FSTL4: variants seen among roughly 807,000 people sequenced by gnomAD.
The protein encoded by FSTL4 is follistatin like 4, also known as follistatin-related protein 4.
FSTL4 carries 28 observed loss-of-function variants against 78.2 expected under a neutral mutation model. The ratio of observed to expected loss-of-function variants is 0.36; its 90% CI spans 0.27 to 0.49. The LOEUF is 0.49. FSTL4 is among the 20% of genes least tolerant of loss of function. The pLI, the probability that FSTL4 is intolerant of heterozygous loss-of-function variation, is 0.98. For synonymous variants in FSTL4, 422 were observed against 440.5 expected (o/e 0.96, Z 0.53); for missense variants, 922 against 1,084.9 (o/e 0.85, Z 2.11).
the FSTL4 span, among the ~76,000 whole-genome samples, chr5:133,829,114 G>T: frequency 2.0e-5 from 3 of 152,198 alleles, no homozygotes. Flanking sequence ...AAACAGCTTG[G>T]CATGGTGCCT....
In FSTL4 at chr5:133,245,773, C is replaced by G. The variant is rs540003292; in HGVS notation, c.894+3637G>C. Among the ~76,000 whole-genome samples the G allele has an allele frequency of 9.2e-5, 14 of 152,314 alleles. No individual in the cohort carries two copies. In the South Asian group the frequency reaches 2.9e-3, roughly 32 times the overall value. ...AAGTGCTTCTGAGAGCAACATTACT[C>G]GCTGCAAAATCTGACTGGCTCCTTC... On this transcript the variant is annotated intron_variant, in intron 7 of 15. Coordinates refer to ENST00000265342, the MANE Select transcript of FSTL4 (RefSeq NM_015082.2).
In FSTL4 at chr5:133,420,290, C is replaced by T. The variant is rs533695336; in HGVS notation, c.161-19304G>A. 6.6e-5 allele frequency among the ~76,000 whole-genome samples: 10 copies of T among 152,248 alleles called. No individual in the cohort carries two copies. The South Asian group carries it at 2.1e-3, about 32-fold the overall frequency. ...GAAAGATCATTTTCTAGGTTGATAG[C>T]AATGTTTTATATCTTGATTGAGTGA... On this transcript the variant is annotated intron_variant, in intron 3 of 15. Transcript: ENST00000265342.
At position 133,353,511 on chromosome 5, in the gene FSTL4, G is replaced by A. The variant is rs543348999; in HGVS notation, c.410-36859C>T. Among the ~76,000 whole-genome samples the A allele has an allele frequency of 3.3e-4, 50 of 152,268 alleles. 2 individuals are homozygous for A. In the South Asian group the frequency reaches 0.01, roughly 31 times the overall value. ...CCCTCCCCTGGAGTTTGGCAGGAGA[G>A]TGTGTGGGGCACCATTTCTCAGATG... On this transcript the variant is annotated intron_variant, in intron 4 of 15. Coordinates refer to ENST00000265342, the MANE Select transcript of FSTL4 (RefSeq NM_015082.2).
intron 6 of FSTL4, among the ~76,000 whole-genome samples, chr5:133,250,790 G>T (rs1417881147): frequency 6.6e-6 from 1 of 152,274 alleles, no homozygotes; most frequent in Non-Finnish European, 1.5e-5. Flanking sequence ...ACCCTGAGCA[G>T]CAAAGCCCTC....
chr5:133,202,172 A>G (rs919417987), intron 14 of FSTL4, 130 bp from the exon 15 acceptor site: 2 of 566,728 alleles, frequency 3.5e-6, no homozygotes, highest in Non-Finnish European at 3.2e-6. Flanking sequence ...ACAAACCTCA[A>G]TCTCAGGGAA....
At chr5:133,456,858 G>A (rs996528594) in intron 3 of FSTL4, among the ~76,000 whole-genome samples, 7 of 152,192 alleles carry the variant, frequency 4.6e-5, no homozygotes, top group African/African-American at 1.2e-4. Context: ...AGCACACACA[G>A]CCTGGCTGCA....
At chr5:133,256,166 G>C (rs77054484) in intron 6 of FSTL4, among the ~76,000 whole-genome samples, 1 of 152,272 alleles carries the variant, frequency 6.6e-6, no homozygotes, top group African/African-American at 2.4e-5. Context: ...TCAGGCTCAG[G>C]GGCCTGCTTG....
chr5:133,722,273 G>A, the FSTL4 span, among the ~76,000 whole-genome samples: 1 of 152,130 alleles, frequency 6.6e-6, no homozygotes, highest in African/African-American at 2.4e-5. Flanking sequence ...AGCCATGCCT[G>A]ATGATCTGAG....
chr5:133,379,636 C>CACCT (rs1755518276), intron 4 of FSTL4, among the ~76,000 whole-genome samples: 1 of 152,168 alleles, frequency 6.6e-6, no homozygotes, highest in Admixed American at 6.5e-5. Flanking sequence ...AAACAACACA[C>CACCT]ACCTACATAA....
the FSTL4 span, among the ~76,000 whole-genome samples, chr5:133,822,721 T>C: frequency 9.8e-5 from 15 of 152,286 alleles, no homozygotes; most frequent in East Asian, 2.9e-3. Context: ...CTTTAATAAA[T>C]AGTTTTTAGT....
the FSTL4 span, among the ~76,000 whole-genome samples, chr5:133,742,871 C>T: frequency 3.3e-5 from 5 of 151,950 alleles, no homozygotes; most frequent in African/African-American, 4.8e-5. Flanking sequence ...GACAGGAGCG[C>T]GCGGTGGAGA....
At chr5:133,807,446 G>A in the FSTL4 span, among the ~76,000 whole-genome samples, 411 of 152,280 alleles carry the variant, frequency 2.7e-3, 4 homozygotes, top group Admixed American at 0.023. Flanking sequence ...TACTTTAAAC[G>A]GAGGACAAAT....
Position 133,349,295 on chromosome 5 carries a change from C to CTGTGTGTG in FSTL4, c.410-32651_410-32644dup, listed in dbSNP as rs1554107119. ...GCTCCCCTGTTGAAAGCCTCTCTCT[C>CTGTGTGTG]TGTGTGTGTGTGTGTGTGTGTGTGT... On this transcript the variant is annotated intron_variant, in intron 4 of 15. Transcript: ENST00000265342. Among the ~76,000 whole-genome samples the CTGTGTGTG allele has an allele frequency of 3.0e-3, 419 of 139,760 alleles. 1 individual carries two copies. The highest frequency in any genetic ancestry group is 4.2e-3 in the Admixed American group (59 of 14,026). 91.7% of individuals were successfully genotyped at this position (139,760 alleles called of 152,430 possible).
the FSTL4 span, among the ~76,000 whole-genome samples, chr5:133,662,916 T>C: frequency 6.6e-6 from 1 of 152,088 alleles, no homozygotes; most frequent in Non-Finnish European, 1.5e-5. Context: ...CATCCAATAA[T>C]TTAAGATCAA....
the FSTL4 span, among the ~76,000 whole-genome samples, chr5:133,691,980 G>A: frequency 1.3e-5 from 2 of 152,282 alleles, no homozygotes; most frequent in East Asian, 3.9e-4. Flanking sequence ...ACAGATGTGT[G>A]CTTGGTCTCA....
the FSTL4 span, among the ~76,000 whole-genome samples, chr5:133,839,428 G>T: frequency 6.6e-6 from 1 of 152,168 alleles, no homozygotes; most frequent in Non-Finnish European, 1.5e-5. Context: ...CCCTCTTCCA[G>T]ATTCATAATG....
the FSTL4 span, among the ~76,000 whole-genome samples, chr5:133,622,378 A>AT: frequency 1.3e-5 from 2 of 152,148 alleles, no homozygotes; most frequent in Non-Finnish European, 2.9e-5. Flanking sequence ...ATAAATTTTC[A>AT]TTTTTTGGGA....
At chr5:133,241,645 C>T (rs751952914) in intron 7 of FSTL4, among the ~76,000 whole-genome samples, 75 of 152,140 alleles carry the variant, frequency 4.9e-4, no homozygotes, top group Non-Finnish European at 8.4e-4. Flanking sequence ...GGCTTTGGCT[C>T]CTTGGCTAAT....
intron 3 of FSTL4, among the ~76,000 whole-genome samples, chr5:133,482,252 A>G (rs1468417205): frequency 1.3e-5 from 2 of 152,226 alleles, no homozygotes; most frequent in African/African-American, 4.8e-5. Context: ...CAGTCTGATA[A>G]TCCAGACTAT....
Sources: gnomAD v4.1 joint callset for allele counts (sites outside exome capture counted in the v4.1 genomes callset) on GRCh38, gnomAD v4.1.1 for gene constraint, MANE v1.5 for transcripts, NCBI Gene and HGNC (gene_info 2026-07-23, HGNC 2026-07-21) for gene names.